The following MICU2 variants were observed in gnomAD, a reference collection of about 807,000 sequenced individuals.
MICU2 encodes mitochondrial calcium uptake 2.
MICU2 carries 64 observed loss-of-function variants against 60.4 expected under a neutral mutation model. The observed-to-expected ratio is 1.06, with a 90% CI of 0.87 to 1.31. The LOEUF is 1.31. Among genes scored for constraint, MICU2 ranks in the 50% most tolerant of loss-of-function variants. The pLI, the probability that MICU2 is intolerant of heterozygous loss-of-function variation, is 0.00. For synonymous variants in MICU2, 201 were observed against 175.0 expected (o/e 1.15, Z -1.17); for missense variants, 569 against 531.0 (o/e 1.07, Z -0.70).
At chr13:21,521,059 C>T (rs1238979309) in intron 6 of MICU2, among the ~76,000 whole-genome samples, 186 bp downstream of exon 6, 1 of 152,226 alleles carries the variant, frequency 6.6e-6, no homozygotes, top group East Asian at 1.9e-4. Context: ...ATCTTATGCT[C>T]TGTTCACTTA....
intron 2 of MICU2, among the ~76,000 whole-genome samples, chr13:21,548,381 A>G (rs1887464333): frequency 6.6e-6 from 1 of 152,234 alleles, no homozygotes; most frequent in African/African-American, 2.4e-5. Context: ...TTAATCTAAA[A>G]TATGTAGCTG....
chr13:21,551,753 C>T (rs539391019), intron 2 of MICU2, among the ~76,000 whole-genome samples: 1 of 152,026 alleles, frequency 6.6e-6, no homozygotes, highest in South Asian at 2.1e-4. Context: ...CATGTCCCTA[C>T]AAAGGACATG....
chr13:21,531,192 A>C, intron 4 of MICU2: 1 of 947,264 alleles, frequency 1.1e-6, no homozygotes, highest in South Asian at 1.3e-5. Flanking sequence ...CATTCTTAAT[A>C]AAGCATTAGA....
At chr13:21,603,909 T>C (rs781482814) in intron 1 of MICU2, 30 bp downstream of exon 1, 4 of 1,607,668 alleles carry the variant, frequency 2.5e-6, no homozygotes, top group Non-Finnish European at 3.4e-6. Flanking sequence ...GGAGCTTGAC[T>C]GGGGCTAGCA....
chr13:21,514,162 A>C (rs1886503088), intron 7 of MICU2, among the ~76,000 whole-genome samples, 191 bp downstream of exon 7: 1 of 152,222 alleles, frequency 6.6e-6, no homozygotes, highest in Non-Finnish European at 1.5e-5. Context: ...TCTGCCATAA[A>C]GTATAGCCTA....
chr13:21,512,516 C>T (rs1366853968), intron 7 of MICU2, among the ~76,000 whole-genome samples: 4 of 145,138 alleles, frequency 2.8e-5, no homozygotes, highest in Non-Finnish European at 3.0e-5. Flanking sequence ...GGCTCGATCT[C>T]GGCTCCCTGC....
chr13:21,510,356 C>T (rs1417211043), intron 7 of MICU2, among the ~76,000 whole-genome samples: 1 of 152,108 alleles, frequency 6.6e-6, no homozygotes, highest in Non-Finnish European at 1.5e-5. Flanking sequence ...GAAACAAGAT[C>T]TTAGATCAGG....
At chr13:21,508,391 C>T (rs2138145391) in intron 8 of MICU2, among the ~76,000 whole-genome samples, 1 of 152,210 alleles carries the variant, frequency 6.6e-6, no homozygotes, top group Non-Finnish European at 1.5e-5. Flanking sequence ...TCCAAAGTGC[C>T]AGGATTACAG....
At chr13:21,509,896 C>T (rs1886384590) in intron 8 of MICU2, 108 bp downstream of exon 8, 1 of 576,988 alleles carries the variant, frequency 1.7e-6, no homozygotes, top group East Asian at 3.5e-5. Context: ...AATCCACAAA[C>T]AGTATTTTAG....
At chr13:21,531,161 C>A in intron 4 of MICU2, 1 of 920,538 alleles carries the variant, frequency 1.1e-6, no homozygotes, top group Non-Finnish European at 1.8e-6. Context: ...TGCTAGAAAA[C>A]CACTGTGACA....
intron 7 of MICU2, among the ~76,000 whole-genome samples, chr13:21,513,133 AT>A (rs960926569): frequency 7.4e-5 from 11 of 149,496 alleles, no homozygotes; most frequent in South Asian, 2.1e-4. Flanking sequence ...TTGTTTTGTG[AT>A]TTTTTTTTTG....
At chr13:21,506,370 T>C (rs951857761) in intron 8 of MICU2, among the ~76,000 whole-genome samples, 3 of 152,174 alleles carry the variant, frequency 2.0e-5, no homozygotes, top group African/African-American at 7.2e-5. Flanking sequence ...TCAGCTCTAA[T>C]GGGCTGCAAA....
chr13:21,576,082 C>T (rs1184440425), intron 1 of MICU2, among the ~76,000 whole-genome samples: 1 of 152,166 alleles, frequency 6.6e-6, no homozygotes, highest in African/African-American at 2.4e-5. Context: ...AAACATTTAG[C>T]AAATGTGTAT....
chr13:21,514,381 G>A lies in MICU2; in HGVS notation c.635C>T (p.Thr212Ile), dbSNP rs1566143452. ...ATATCCAGTTTCATTAGTTTTCACT[G>A]TCATCAAGTCATCTTGTTTACTTAT... ...KIISKQDDLM[T>I]VKTNETGYQE... The change falls in exon 7 of 12, where the codon ACA becomes ATA. Residue 212 changes from threonine (T) to isoleucine (I), a missense_variant. Physicochemically the swap from Thr to Ile is moderately conservative, Grantham distance 89 (BLOSUM62 -1). Coordinates refer to ENST00000382374, the MANE Select transcript of MICU2 (RefSeq NM_152726.3). 6.2e-7 allele frequency: 1 copy of A among 1,613,276 alleles called. No homozygotes were observed. The highest frequency in any genetic ancestry group is 2.2e-5 in the East Asian group (1 of 44,808).
chr13:21,584,629 G>A (rs940599088), intron 1 of MICU2, among the ~76,000 whole-genome samples: 1 of 151,920 alleles, frequency 6.6e-6, no homozygotes, highest in African/African-American at 2.4e-5. Context: ...AAAATTTTAA[G>A]TCCAGGCTAT....
At chr13:21,555,046 A>T (rs915581763) in intron 2 of MICU2, among the ~76,000 whole-genome samples, 1 of 152,200 alleles carries the variant, frequency 6.6e-6, no homozygotes, top group Non-Finnish European at 1.5e-5. Flanking sequence ...CCAACCAAAA[A>T]AAGTCCAGGA....
At chr13:21,590,727 T>C (rs1967777) in intron 1 of MICU2, among the ~76,000 whole-genome samples, 148,483 of 152,262 alleles carry the variant, frequency 0.98, 72,495 homozygotes, top group Middle Eastern at 1. Context: ...TGGTGGCATT[T>C]GTCCGTAGTC....
chr13:21,542,077 C>T (rs1887296619), intron 2 of MICU2, among the ~76,000 whole-genome samples: 1 of 151,802 alleles, frequency 6.6e-6, no homozygotes, highest in South Asian at 2.1e-4. Flanking sequence ...AATGAACACC[C>T]GTTCTCTCCT....
intron 8 of MICU2, among the ~76,000 whole-genome samples, chr13:21,505,668 C>A (rs1298911615): frequency 6.6e-6 from 1 of 152,132 alleles, no homozygotes; most frequent in Non-Finnish European, 1.5e-5. Flanking sequence ...CTGTATATGA[C>A]TGTCCTTCTG....
Sources: gnomAD v4.1 joint callset for allele counts (sites outside exome capture counted in the v4.1 genomes callset) on GRCh38, gnomAD v4.1.1 for gene constraint, MANE v1.5 for transcripts, NCBI Gene and HGNC (gene_info 2026-07-23, HGNC 2026-07-21) for gene names.